CDH8: variants seen among roughly 807,000 people sequenced by gnomAD.
CDH8 encodes the protein cadherin 8.
Under a neutral mutation model 68.1 loss-of-function variants are expected in CDH8, and 17 were observed. The ratio of observed to expected loss-of-function variants is 0.25; its 90% CI spans 0.17 to 0.37. The LOEUF is 0.37. Ranked by LOEUF, CDH8 falls within the 10% of genes least tolerant of loss-of-function variation. The pLI, the probability that CDH8 is intolerant of heterozygous loss-of-function variation, is 1.00. For missense variants in CDH8, 763 were observed against 999.3 expected (o/e 0.76, Z 3.19); for synonymous variants, 372 against 365.1 (o/e 1.02, Z -0.21).
rs1016731363 is a variant in CDH8, at chr16:61,651,460, A to G, written c.*2148T>C. 6.6e-6 allele frequency: 1 copy of G among 152,214 alleles called. No individual in the cohort carries two copies. The highest frequency in any genetic ancestry group is 1.5e-5 in the Non-Finnish European group (1 of 68,044). The allele number at this position is 152,214 out of a possible 1,614,324, so 9.4% of individuals were successfully genotyped here. ...TAAATTGTTAGTATAGTATTTAAAC[A>G]TGCAGTTTCTGTCACAGTGAAGGTG... is the stretch of plus-strand genomic sequence containing the variant. On this transcript the variant is annotated 3_prime_UTR_variant, in exon 12 of 12. Transcript: ENST00000577390.
intron 7 of CDH8, among the ~76,000 whole-genome samples, chr16:61,792,499 A>C (rs1406624629): frequency 2.0e-5 from 3 of 151,994 alleles, no homozygotes; most frequent in Non-Finnish European, 4.4e-5. Flanking sequence ...TTTGGTCAAC[A>C]AGCATGCATG....
rs1202065148 is a variant in CDH8, at chr16:61,870,320, G to A, written c.548-13082C>T. ...TAATATCTTTACAGCTGTTCGCCAGGCGGAAAGAAAAATGCGGCAGTAAGT... is the reference window on the plus strand; with the variant it reads ...TAATATCTTTACAGCTGTTCGCCAGACGGAAAGAAAAATGCGGCAGTAAGT... On this transcript the variant is annotated intron_variant, in intron 3 of 11. Transcript: ENST00000577390. Among the ~76,000 whole-genome samples the A allele has an allele frequency of 3.3e-5, 5 of 152,124 alleles. No individual in the cohort carries two copies. In the East Asian group the frequency reaches 9.6e-4, roughly 29 times the overall value.
At chr16:61,684,062 A>T (rs1964059575) in intron 10 of CDH8, among the ~76,000 whole-genome samples, 1 of 151,918 alleles carries the variant, frequency 6.6e-6, no homozygotes, top group Non-Finnish European at 1.5e-5. Flanking sequence ...TGCTCCTCAG[A>T]GATTGGTTCT....
At chr16:61,736,167 G>GGAAA (rs1959681526) in intron 8 of CDH8, among the ~76,000 whole-genome samples, 1 of 146,292 alleles carries the variant, frequency 6.8e-6, no homozygotes. Flanking sequence ...AAAGAAGGAA[G>GGAAA]GAAAGAAAGA....
chr16:61,949,648 C>A (rs1471263871), intron 2 of CDH8, among the ~76,000 whole-genome samples: 1 of 151,930 alleles, frequency 6.6e-6, no homozygotes, highest in African/African-American at 2.4e-5. Flanking sequence ...AACATGACAT[C>A]TATTAATACC....
chr16:61,810,323 C>T (rs1050457568), intron 7 of CDH8, among the ~76,000 whole-genome samples: 2 of 152,152 alleles, frequency 1.3e-5, no homozygotes, highest in African/African-American at 2.4e-5. Context: ...TCTAATTGCT[C>T]CACTGGTTGC....
chr16:61,779,775 A>G (rs1960999869), intron 8 of CDH8, among the ~76,000 whole-genome samples: 1 of 152,152 alleles, frequency 6.6e-6, no homozygotes. Flanking sequence ...CCATAATAAA[A>G]TGCATGCTTT....
chr16:61,666,206 G>GTGTGTATA (rs372906173), intron 10 of CDH8, among the ~76,000 whole-genome samples: 3 of 145,610 alleles, frequency 2.1e-5, no homozygotes, highest in African/African-American at 7.7e-5. Context: ...GTGTGTGTGT[G>GTGTGTATA]TATATATATA....
At chr16:61,856,649 G>T (rs1331368477) in intron 4 of CDH8, among the ~76,000 whole-genome samples, 1 of 152,048 alleles carries the variant, frequency 6.6e-6, no homozygotes, top group Non-Finnish European at 1.5e-5. Flanking sequence ...AATATCTAAA[G>T]TGCACTGAAT....
At chr16:61,748,673 T>TA (rs1423761455) in intron 8 of CDH8, among the ~76,000 whole-genome samples, 1 of 152,020 alleles carries the variant, frequency 6.6e-6, no homozygotes, top group African/African-American at 2.4e-5. Flanking sequence ...AAACAATACA[T>TA]ACAGAGATGC....
chr16:61,857,405 T>A (rs565203429), intron 3 of CDH8, among the ~76,000 whole-genome samples, 167 bp from the exon 4 acceptor site: 7 of 152,304 alleles, frequency 4.6e-5, no homozygotes, highest in African/African-American at 1.4e-4. Context: ...TTCAACAATA[T>A]CTAAGTCTTT....
chr16:61,928,738 G>A (rs772503454), intron 2 of CDH8, among the ~76,000 whole-genome samples: 3 of 152,254 alleles, frequency 2.0e-5, no homozygotes, highest in East Asian at 1.9e-4. Context: ...TGTATAAGCC[G>A]TCTCATCAAA....
chr16:61,800,811 A>C (rs1961606752), intron 7 of CDH8, among the ~76,000 whole-genome samples: 2 of 125,572 alleles, frequency 1.6e-5, no homozygotes, highest in Non-Finnish European at 3.3e-5. Flanking sequence ...CATTAAGTCA[A>C]ATCTGATTGT....
In CDH8 at chr16:61,960,023, TACAC is replaced by T. The variant is rs368850293; in HGVS notation, c.253-58554_253-58551del. Among the ~76,000 whole-genome samples, 44 of 54,448 alleles carry T rather than the reference TACAC, an allele frequency of 8.1e-4. 5 individuals carry two copies. The highest frequency in any genetic ancestry group is 3.9e-3 in the African/African-American group (34 of 8,614). The allele number at this position is 54,448 out of a possible 152,430, so 35.7% of individuals were successfully genotyped here. On this transcript the variant is annotated intron_variant, in intron 2 of 11. Transcript: ENST00000577390. ...ATATATATATATATATATACACACA[TACAC>T]ACACACACACAACATATATGTATGT... is the stretch of plus-strand genomic sequence containing the variant.
In CDH8 at chr16:62,021,502, A is replaced by T. The variant is rs1902075315; in HGVS notation, c.-99T>A. 3.3e-6 allele frequency: 5 copies of T among 1,510,474 alleles called. No individual in the cohort carries two copies. The highest frequency in any genetic ancestry group is 4.4e-6 in the Non-Finnish European group (5 of 1,134,342). The allele number at this position is 1,510,474 out of a possible 1,614,324, so 93.6% of individuals were successfully genotyped here. A position where few individuals can be genotyped will look rare whatever the true frequency, so the allele number is the denominator to read the frequency against. ...ATTCATCATGCAGTGCCGAGCATTT[A>T]CTTACAGCTCTGCCACGTGTCTATA... On this transcript the variant is annotated 5_prime_UTR_variant, in exon 2 of 12. An upstream open reading frame in the 5' UTR loses its in-frame stop. Transcript: ENST00000577390.
At chr16:62,025,398 T>A (rs1156714733) in intron 1 of CDH8, among the ~76,000 whole-genome samples, 1 of 151,826 alleles carries the variant, frequency 6.6e-6, no homozygotes, top group Non-Finnish European at 1.5e-5. Context: ...ATGTTTGATT[T>A]CTCCAAAGGT....
intron 8 of CDH8, among the ~76,000 whole-genome samples, chr16:61,788,534 T>C (rs1049682272): frequency 1.3e-5 from 2 of 152,032 alleles, no homozygotes; most frequent in African/African-American, 4.8e-5. Flanking sequence ...TGCTAGGAAA[T>C]AAAATGGACA....
chr16:61,727,793 A>AT (rs1959418299), intron 8 of CDH8, among the ~76,000 whole-genome samples: 2 of 151,140 alleles, frequency 1.3e-5, no homozygotes, highest in Admixed American at 1.3e-4. Flanking sequence ...ATCCCAAGTG[A>AT]TTTTAATATT....
chr16:61,696,798 A>T (rs1414560871), intron 10 of CDH8, among the ~76,000 whole-genome samples: 1 of 152,184 alleles, frequency 6.6e-6, no homozygotes, highest in Non-Finnish European at 1.5e-5. Flanking sequence ...AGAAACGTGG[A>T]TGCAGCTGGA....
Sources: gnomAD v4.1 joint callset for allele counts (sites outside exome capture counted in the v4.1 genomes callset) on GRCh38, gnomAD v4.1.1 for gene constraint, MANE v1.5 for transcripts, NCBI Gene and HGNC (gene_info 2026-07-23, HGNC 2026-07-21) for gene names.